SBNO1: variants seen among roughly 807,000 people sequenced by gnomAD.
The protein encoded by SBNO1 is strawberry notch homolog 1.
A neutral mutation model predicts 173.6 loss-of-function variants in SBNO1; 23 were observed. That is an observed-to-expected ratio of 0.13 (90% CI 0.10 to 0.19). The LOEUF (loss-of-function observed/expected upper bound fraction) is 0.19. Among genes scored for constraint, SBNO1 ranks in the 10% least tolerant of loss-of-function variants. The pLI is 1.00. For missense variants in SBNO1, 1,238 were observed against 1,671.2 expected, an observed-to-expected ratio of 0.74 and a Z score of 4.52; for synonymous variants, 632 against 571.5, an observed-to-expected ratio of 1.11 and a Z score of -1.51.
intron 1 of SBNO1, among the ~76,000 whole-genome samples, chr12:123,352,100 AAG>A (rs1385536807): frequency 3.9e-5 from 6 of 151,942 alleles, no homozygotes; most frequent in African/African-American, 1.5e-4. Flanking sequence ...AGGGGGGAAA[AAG>A]AGCTTTCTAA....
In SBNO1 at chr12:123,295,637, C is replaced by T. The variant is rs887684294; in HGVS notation, c.*271G>A. On this transcript the variant is annotated 3_prime_UTR_variant, in exon 32 of 32. Coordinates refer to ENST00000602398, the MANE Select transcript of SBNO1 (RefSeq NM_001167856.3). ...ACACTCACAAACAGACTGACACACA[C>T]GCACACACACATCCCCCTCTGCTCA... 2.1e-5 allele frequency: 8 copies of T among 390,208 alleles called. No homozygotes were observed. The highest frequency in any genetic ancestry group is 1.0e-4 in the South Asian group (3 of 29,470). The allele number at this position is 390,208 out of a possible 1,614,324, so 24.2% of individuals were successfully genotyped here.
In SBNO1 at chr12:123,292,416, T is replaced by A. The variant is rs948356722; in HGVS notation, c.*3492A>T. ...AACAATCATTTCCAATCTATTTTTT[T>A]ATCTCATGCTAAAATGAAAGTGGAG... On this transcript the variant is annotated 3_prime_UTR_variant, in exon 32 of 32. Coordinates refer to ENST00000602398, the MANE Select transcript of SBNO1 (RefSeq NM_001167856.3). The A allele has an allele frequency of 6.6e-5, 10 of 152,144 alleles. No individual in the cohort carries two copies. The highest frequency in any genetic ancestry group is 2.4e-4 in the African/African-American group (10 of 41,418). 9.4% of individuals were successfully genotyped at this position (152,144 alleles called of 1,614,324 possible).
At chr12:123,360,131 G>C (rs975969609) in intron 1 of SBNO1, among the ~76,000 whole-genome samples, 1 of 151,848 alleles carries the variant, frequency 6.6e-6, no homozygotes, top group African/African-American at 2.4e-5. Context: ...GTTAATCCCA[G>C]CTACTTGGGA....
At chr12:123,337,460 G>T (rs768289056) in intron 5 of SBNO1, among the ~76,000 whole-genome samples, 2 of 152,164 alleles carry the variant, frequency 1.3e-5, no homozygotes, top group South Asian at 2.1e-4. Context: ...AGGCAAGATC[G>T]AGACAGCATT....
chr12:123,347,462 G>A (rs180761572), intron 3 of SBNO1, among the ~76,000 whole-genome samples: 205 of 151,850 alleles, frequency 1.4e-3, no homozygotes, highest in Non-Finnish European at 1.7e-3. Flanking sequence ...TCCTGACCTC[G>A]TGATCCACCC....
chr12:123,296,614 G>C (rs2048605511), intron 31 of SBNO1, among the ~76,000 whole-genome samples: 1 of 150,622 alleles, frequency 6.6e-6, no homozygotes, highest in South Asian at 2.1e-4. Context: ...AGGCTGGAGT[G>C]CAGTGGCACA....
At chr12:123,328,936 T>C (rs2138995163) in intron 9 of SBNO1, 41 bp from the exon 10 acceptor site, 1 of 1,236,968 alleles carries the variant, frequency 8.1e-7, no homozygotes, top group African/African-American at 1.5e-5. Flanking sequence ...TTAGTATACC[T>C]TTCTCTCTGC....
At chr12:123,362,304 C>A (rs1593431641) in intron 1 of SBNO1, among the ~76,000 whole-genome samples, 1 of 151,400 alleles carries the variant, frequency 6.6e-6, no homozygotes, top group South Asian at 2.1e-4. Flanking sequence ...GGCGTGGCAG[C>A]GGGCACCTGT....
chr12:123,299,681 C>CAATAAAAAAAAA (rs2048718679), intron 30 of SBNO1, among the ~76,000 whole-genome samples: 1 of 93,894 alleles, frequency 1.1e-5, no homozygotes, highest in Admixed American at 1.3e-4. Context: ...ACTCTGTCTT[C>CAATAAAAAAAAA]AAAAAAAAAA....
chr12:123,349,741 C>A (rs1434387668), intron 2 of SBNO1, among the ~76,000 whole-genome samples: 2 of 151,940 alleles, frequency 1.3e-5, no homozygotes, highest in Admixed American at 6.6e-5. Context: ...ATGGTGAAAC[C>A]CCATCTCTAC....
intron 1 of SBNO1, among the ~76,000 whole-genome samples, chr12:123,352,866 C>T (rs1874044645): frequency 1.3e-5 from 2 of 152,270 alleles, no homozygotes; most frequent in South Asian, 2.1e-4. Flanking sequence ...GGCGCGATCT[C>T]GGCTCACCGC....
chr12:123,335,209 TG>T (rs1345941496), intron 6 of SBNO1, among the ~76,000 whole-genome samples: 1 of 152,088 alleles, frequency 6.6e-6, no homozygotes, highest in East Asian at 1.9e-4. Context: ...GAGGCCAAGG[TG>T]GGTGGATCTC....
chr12:123,324,491 T>C (rs1269717580), intron 15 of SBNO1, among the ~76,000 whole-genome samples: 1 of 151,954 alleles, frequency 6.6e-6, no homozygotes, highest in Non-Finnish European at 1.5e-5. Context: ...CTGGCTAGTT[T>C]TTGTATTTTT....
intron 1 of SBNO1, among the ~76,000 whole-genome samples, chr12:123,361,277 G>A (rs917509167): frequency 4.0e-5 from 6 of 150,584 alleles, no homozygotes; most frequent in Admixed American, 1.3e-4. Flanking sequence ...GGCTGGGCAT[G>A]GTGGCTCACG....
At chr12:123,310,812 C>T (rs943336934) in intron 25 of SBNO1, among the ~76,000 whole-genome samples, 3 of 152,086 alleles carry the variant, frequency 2.0e-5, no homozygotes, top group African/African-American at 7.2e-5. Flanking sequence ...GGATTACAGG[C>T]GTGAGCCACC....
intron 1 of SBNO1, among the ~76,000 whole-genome samples, chr12:123,359,567 A>T (rs930060520): frequency 6.6e-6 from 1 of 151,290 alleles, no homozygotes; most frequent in African/African-American, 2.4e-5. Flanking sequence ...AAAAAAAAAA[A>T]AGATATATAT....
chr12:123,330,373 G>T, intron 9 of SBNO1, 46 bp downstream of exon 9: 1 of 1,088,306 alleles, frequency 9.2e-7, no homozygotes, highest in Non-Finnish European at 1.4e-6. Context: ...TCTCACAGAT[G>T]AGTCAATATT....
chr12:123,302,066 T>C (rs963200931), intron 30 of SBNO1, among the ~76,000 whole-genome samples: 7 of 151,358 alleles, frequency 4.6e-5, no homozygotes, highest in Admixed American at 6.6e-5. Flanking sequence ...GCCTCCTGAA[T>C]AGCTGAGATT....
chr12:123,306,325 C>G lies in SBNO1; in HGVS notation c.3631-1606G>C, dbSNP rs561157511. Among the ~76,000 whole-genome samples, 18 of 152,234 alleles carry G rather than the reference C, an allele frequency of 1.2e-4. No homozygotes were observed. In the South Asian group the frequency reaches 2.5e-3, roughly 21 times the overall value. ...TCTGACATTGTTTTCCCAATGGCAG[C>G]ACAGGCTACACACACTGAAAAGTAT... On this transcript the variant is annotated intron_variant, in intron 28 of 31. Coordinates refer to ENST00000602398, the MANE Select transcript of SBNO1 (RefSeq NM_001167856.3).
Sources: gnomAD v4.1 joint callset for allele counts (sites outside exome capture counted in the v4.1 genomes callset) on GRCh38, gnomAD v4.1.1 for gene constraint, MANE v1.5 for transcripts, NCBI Gene and HGNC (gene_info 2026-07-23, HGNC 2026-07-21) for gene names.